The following PLCB4 variants were observed in gnomAD, a reference collection of about 807,000 sequenced individuals.
PLCB4 encodes the protein phospholipase C beta 4, also known as 1-phosphatidylinositol 4,5-bisphosphate phosphodiesterase beta-4.
In PLCB4, 77 loss-of-function variants were observed where a neutral mutation model predicts 178.8. That is an observed-to-expected ratio of 0.43 (90% CI 0.36 to 0.52). The LOEUF (loss-of-function observed/expected upper bound fraction) is 0.52. Among genes scored for constraint, PLCB4 ranks in the 20% least tolerant of loss-of-function variants. The pLI, the probability that PLCB4 is intolerant of heterozygous loss-of-function variation, is 0.00. For synonymous variants in PLCB4, 496 were observed against 490.8 expected, an observed-to-expected ratio of 1.01 and a Z score of -0.14; for missense variants, 1,024 against 1,453.4, an observed-to-expected ratio of 0.70 and a Z score of 4.80.
At chr20:9,074,827 AAAACAAAACAAAACAAAACAAAAC>A (rs2089767649) in intron 1 of PLCB4, among the ~76,000 whole-genome samples, 1 of 36,840 alleles carries the variant, frequency 2.7e-5, no homozygotes. Context: ...AAAACAAAAC[AAAACAAAACAAAACAAAACAAAAC>A]ATATTAAGCC....
intron 1 of PLCB4, among the ~76,000 whole-genome samples, chr20:9,094,709 A>C (rs1419913422): frequency 6.6e-6 from 1 of 152,118 alleles, no homozygotes; most frequent in Non-Finnish European, 1.5e-5. Context: ...GCAAAAATAG[A>C]TATATTATTT....
In PLCB4 at chr20:9,233,452, G is replaced by T. The variant is rs150595245; in HGVS notation, c.-16+16000G>T. Among the ~76,000 whole-genome samples, 84 of 152,166 alleles carry T rather than the reference G, an allele frequency of 5.5e-4. No individual in the cohort carries two copies. The East Asian group carries it at 0.015, about 28-fold the overall frequency. On this transcript the variant is annotated intron_variant, in intron 3 of 39. Transcript: ENST00000378473. ...ATAGATAATAAAAAGAAGTAAACAC[G>T]TGAAAGAACAGGATAATTTCATGTA...
At chr20:9,349,369 G>C (rs759659507) in intron 7 of PLCB4, among the ~76,000 whole-genome samples, 18 of 152,006 alleles carry the variant, frequency 1.2e-4, no homozygotes, top group Non-Finnish European at 1.8e-4. Flanking sequence ...CTTTTTATAT[G>C]CAGTTGGACT....
At chr20:9,455,622 G>A (rs1288902148) in intron 33 of PLCB4, among the ~76,000 whole-genome samples, 8 of 152,038 alleles carry the variant, frequency 5.3e-5, no homozygotes, top group Admixed American at 1.3e-4. Context: ...TATCCTAAAC[G>A]TAGATGAGAC....
chr20:9,448,581 A>C (rs1337365085), intron 32 of PLCB4, among the ~76,000 whole-genome samples: 1 of 151,070 alleles, frequency 6.6e-6, no homozygotes, highest in Non-Finnish European at 1.5e-5. Flanking sequence ...CCCAACACAA[A>C]TTTGTAGACT....
intron 25 of PLCB4, among the ~76,000 whole-genome samples, chr20:9,412,842 G>A (rs563667035): frequency 6.6e-6 from 1 of 152,274 alleles, no homozygotes; most frequent in South Asian, 2.1e-4. Context: ...TTGGGGTAAG[G>A]GTTGAGCCCT....
intron 34 of PLCB4, 131 bp from the exon 35 acceptor site, chr20:9,459,504 G>T: frequency 1.8e-6 from 1 of 551,402 alleles, no homozygotes; most frequent in Non-Finnish European, 3.2e-6. Context: ...TTTTTTGGTG[G>T]TTATAGGTGT....
At chr20:9,297,163 C>G (rs1568543005) in intron 3 of PLCB4, among the ~76,000 whole-genome samples, 1 of 151,892 alleles carries the variant, frequency 6.6e-6, no homozygotes, top group South Asian at 2.1e-4. Context: ...CCGCACCCCC[C>G]CCCACACCAT....
chr20:9,363,040 T>C, intron 8 of PLCB4, 65 bp downstream of exon 8: 1 of 1,171,344 alleles, frequency 8.5e-7, no homozygotes, highest in Non-Finnish European at 1.3e-6. Context: ...GATGAAGAGA[T>C]GAAGGCTAGG....
At chr20:9,360,490 T>G in intron 7 of PLCB4, among the ~76,000 whole-genome samples, 1 of 151,810 alleles carries the variant, frequency 6.6e-6, no homozygotes, top group East Asian at 1.9e-4. Context: ...TTTTTTTTTG[T>G]CTAGGAAACT....
intron 3 of PLCB4, among the ~76,000 whole-genome samples, chr20:9,280,981 A>T (rs2147690965): frequency 6.6e-6 from 1 of 151,960 alleles, no homozygotes; most frequent in South Asian, 2.1e-4. Context: ...TACCACATTT[A>T]TGTAATAAAT....
chr20:9,245,737 GT>G (rs34271595), intron 3 of PLCB4, among the ~76,000 whole-genome samples: 37 of 147,278 alleles, frequency 2.5e-4, no homozygotes, highest in Admixed American at 4.0e-4. Flanking sequence ...TATCTGGTGG[GT>G]TTTTTTTTTT....
At chr20:9,203,513 T>C (rs1373607350) in intron 2 of PLCB4, among the ~76,000 whole-genome samples, 1 of 152,224 alleles carries the variant, frequency 6.6e-6, no homozygotes, top group East Asian at 1.9e-4. Flanking sequence ...TCATTTTCTC[T>C]ATATGCATAG....
chr20:9,448,162 C>A (rs1489952479), intron 32 of PLCB4, among the ~76,000 whole-genome samples: 1 of 152,074 alleles, frequency 6.6e-6, no homozygotes, highest in Non-Finnish European at 1.5e-5. Flanking sequence ...AGTAGAAACC[C>A]CACTAATCGC....
At chr20:9,118,112 G>A (rs1389030147) in intron 2 of PLCB4, among the ~76,000 whole-genome samples, 5 of 151,814 alleles carry the variant, frequency 3.3e-5, no homozygotes, top group Non-Finnish European at 7.4e-5. Flanking sequence ...GGTTACATGT[G>A]CACATTGTGC....
chr20:9,354,004 CA>C (rs2034567665), intron 7 of PLCB4, among the ~76,000 whole-genome samples: 1 of 152,184 alleles, frequency 6.6e-6, no homozygotes, highest in South Asian at 2.1e-4. Flanking sequence ...CTATCTCAAG[CA>C]GGAGGAGCTG....
chr20:9,224,173 G>A (rs2093834640), intron 3 of PLCB4, among the ~76,000 whole-genome samples: 1 of 152,024 alleles, frequency 6.6e-6, no homozygotes. Context: ...ACTATTTTTG[G>A]GCAATATCAT....
chr20:9,208,161 C>T (rs1443946985), intron 2 of PLCB4, among the ~76,000 whole-genome samples: 1 of 152,112 alleles, frequency 6.6e-6, no homozygotes, highest in Non-Finnish European at 1.5e-5. Context: ...CAGACAGTTG[C>T]CTTAAGAGGA....
chr20:9,428,348 A>G (rs2041171788), intron 28 of PLCB4, among the ~76,000 whole-genome samples: 1 of 152,188 alleles, frequency 6.6e-6, no homozygotes, highest in Non-Finnish European at 1.5e-5. Context: ...TCAAGAAGAA[A>G]AGCTCTGGAG....
Sources: allele counts gnomAD v4.1 joint callset (sites outside exome capture counted in the v4.1 genomes callset), GRCh38; gene constraint gnomAD v4.1.1; transcripts MANE v1.5; gene names NCBI Gene and HGNC (gene_info 2026-07-23, HGNC 2026-07-21).